The following RFC1 variants were observed in gnomAD, a reference collection of about 807,000 sequenced individuals.
RFC1 encodes the protein replication factor C subunit 1.
RFC1 carries 37 observed loss-of-function variants against 137.4 expected under a neutral mutation model. That is an observed-to-expected ratio of 0.27 (90% CI 0.21 to 0.35). The LOEUF (loss-of-function observed/expected upper bound fraction) is 0.35, where lower values mean the gene tolerates loss of function less well. Ranked by LOEUF, RFC1 falls within the 10% of genes least tolerant of loss-of-function variation. The pLI is 1.00. For missense variants in RFC1, 1,205 were observed against 1,358.5 expected, an observed-to-expected ratio of 0.89 and a Z score of 1.78; for synonymous variants, 429 against 455.7, an observed-to-expected ratio of 0.94 and a Z score of 0.75.
At chr4:39,319,066 T>C (rs1213711520) in intron 9 of RFC1, among the ~76,000 whole-genome samples, 1 of 152,180 alleles carries the variant, frequency 6.6e-6, no homozygotes, top group African/African-American at 2.4e-5. Flanking sequence ...CGCAACACTG[T>C]TGTACAAGAA....
intron 2 of RFC1, among the ~76,000 whole-genome samples, chr4:39,347,770 C>A (rs1489769605): frequency 6.6e-6 from 1 of 152,138 alleles, no homozygotes; most frequent in East Asian, 1.9e-4. Context: ...CATATATCAT[C>A]ATGAACAGAA....
At position 39,311,127 on chromosome 4, in the gene RFC1, C is replaced by T. The variant is rs114684207; in HGVS notation, c.1488+318G>A. On this transcript the variant is annotated intron_variant, in intron 12 of 24. Coordinates refer to ENST00000349703, the MANE Select transcript of RFC1 (RefSeq NM_002913.5). ...CTGCACTCCGACCTGAGGGACAGAG[C>T]TAGACTCTGTCTCAAAAAATTAAAA... 3.7e-3 allele frequency among the ~76,000 whole-genome samples: 566 copies of T among 152,184 alleles called. 4 individuals carry two copies. The highest frequency in any genetic ancestry group is 0.013 in the African/African-American group (540 of 41,522).
chr4:39,354,474 A>G (rs1741359550), intron 1 of RFC1, among the ~76,000 whole-genome samples: 1 of 152,224 alleles, frequency 6.6e-6, no homozygotes, highest in Non-Finnish European at 1.5e-5. Flanking sequence ...ATTCTTGTTG[A>G]GCATATGAGT....
At chr4:39,345,120 T>C (rs1256255157) in intron 3 of RFC1, among the ~76,000 whole-genome samples, 2 of 152,064 alleles carry the variant, frequency 1.3e-5, no homozygotes, top group Non-Finnish European at 2.9e-5. Flanking sequence ...ATTCAAGCAA[T>C]TCTCATATCT....
In RFC1 at chr4:39,300,339, C is replaced by T. The variant is rs755363991; in HGVS notation, c.2611G>A (p.Asp871Asn). 6.2e-7 allele frequency: 1 copy of T among 1,613,972 alleles called. No homozygotes were observed. The highest frequency in any genetic ancestry group is 1.7e-5 in the Admixed American group (1 of 60,008). Residue 871 changes from aspartate (D) to asparagine (N), a missense_variant, in exon 20 of 25, where the codon GAT (aspartate) becomes AAT (asparagine). Coordinates refer to ENST00000349703, the MANE Select transcript of RFC1 (RefSeq NM_002913.5). ...ATTGAATAATCATGAAAAAAGAGAT[C>T]TGACTTGTCCACAAGTGACATGTGA... Reference protein sequence around the residue: ...TAHMSLVDKSDLFFHDYSIAP... With the variant: ...TAHMSLVDKSNLFFHDYSIAP...
At chr4:39,314,999 T>C (rs545901126) in intron 10 of RFC1, among the ~76,000 whole-genome samples, 7 of 152,130 alleles carry the variant, frequency 4.6e-5, no homozygotes, top group African/African-American at 1.4e-4. Flanking sequence ...AATTCCACTT[T>C]CCATTCTAGC....
intron 7 of RFC1, 42 bp downstream of exon 7, chr4:39,323,298 G>A: frequency 6.6e-7 from 1 of 1,519,878 alleles, no homozygotes. Flanking sequence ...ACACTGATCT[G>A]TACTGTATAT....
chr4:39,329,694 T>C (rs761220256), intron 4 of RFC1, among the ~76,000 whole-genome samples: 1 of 152,092 alleles, frequency 6.6e-6, no homozygotes, highest in South Asian at 2.1e-4. Flanking sequence ...TAAGCCTCGA[T>C]TGTACCACTG....
chr4:39,309,885 T>A (rs909915604), intron 12 of RFC1, among the ~76,000 whole-genome samples: 7 of 152,230 alleles, frequency 4.6e-5, no homozygotes, highest in Admixed American at 3.9e-4. Context: ...AGTGGATGAA[T>A]GTTTAAGGAC....
chr4:39,348,063 G>A (rs918468786), intron 2 of RFC1, among the ~76,000 whole-genome samples: 7 of 151,994 alleles, frequency 4.6e-5, no homozygotes, highest in Non-Finnish European at 7.4e-5. Context: ...TGAAGAAACC[G>A]GTCAGCCAAA....
At chr4:39,325,259 G>A (rs1455406894) in intron 6 of RFC1, among the ~76,000 whole-genome samples, 1 of 152,094 alleles carries the variant, frequency 6.6e-6, no homozygotes, top group Admixed American at 6.5e-5. Context: ...TTTCCATTTG[G>A]AAGTCTATTA....
In RFC1 at chr4:39,311,473, G is replaced by A; in HGVS notation, c.1460C>T (p.Ser487Phe). The change falls in exon 12 of 25, where the codon TCC becomes TTC. Residue 487 changes from serine to phenylalanine, a missense_variant. Transcript: ENST00000349703. ...AGTTTCAACTGCTATTTCATACTTG[G>A]ATTTCTTGCCTGGCATAGTCCGAAT... The part of the protein sequence containing the change: ...NLIRTMPGKK[S>F]KYEIAVETEM... 1 of 1,613,908 alleles carries A rather than the reference G, an allele frequency of 6.2e-7. No individual in the cohort carries two copies. The highest frequency in any genetic ancestry group is 8.5e-7 in the Non-Finnish European group (1 of 1,179,914).
At chr4:39,313,468 T>C (rs1739068883) in intron 10 of RFC1, among the ~76,000 whole-genome samples, 1 of 152,204 alleles carries the variant, frequency 6.6e-6, no homozygotes, top group South Asian at 2.1e-4. Context: ...TTTCACCACA[T>C]TAGTGATCAG....
At chr4:39,308,509 C>G in intron 13 of RFC1, 127 bp downstream of exon 13, 1 of 1,319,678 alleles carries the variant, frequency 7.6e-7, no homozygotes, top group South Asian at 1.4e-5. Flanking sequence ...CACCTGGGTT[C>G]AGATCAAGCT....
chr4:39,319,280 T>C (rs780635932), intron 9 of RFC1, among the ~76,000 whole-genome samples: 15 of 152,178 alleles, frequency 9.9e-5, no homozygotes, highest in Non-Finnish European at 1.9e-4. Context: ...TCCCAGAGCC[T>C]GAAACTGGCT....
In RFC1 at chr4:39,306,682, G is replaced by A. The variant is rs757368103; in HGVS notation, c.1905C>T (p.Ser635=). The A allele has an allele frequency of 3.4e-5, 55 of 1,612,778 alleles. 1 individual carries two copies. In the Middle Eastern group the frequency reaches 6.6e-4, roughly 19 times the overall value. ...TAAAACTAGAGCCATCATCTTTGCC[G>A]GAAAATTTACCAAACTTTGCTGCTA... The part of the protein sequence containing the change: ...DKKHAKFGKF[S]GKDDGSSFKA... The change falls in exon 14 of 25, where the codon TCC becomes TCT. Residue 635 remains serine (S), a synonymous_variant. Coordinates refer to ENST00000349703, the MANE Select transcript of RFC1 (RefSeq NM_002913.5).
chr4:39,364,637 T>C (rs1741930467), intron 1 of RFC1, among the ~76,000 whole-genome samples: 1 of 152,204 alleles, frequency 6.6e-6, no homozygotes, highest in Non-Finnish European at 1.5e-5. Flanking sequence ...TATGTAACTT[T>C]CCATAGAGTC....
At chr4:39,293,288 T>C (rs1290202612) in intron 22 of RFC1, among the ~76,000 whole-genome samples, 3 of 152,162 alleles carry the variant, frequency 2.0e-5, no homozygotes, top group Non-Finnish European at 4.4e-5. Flanking sequence ...TTCTACAATG[T>C]TTTACAGTAT....
chr4:39,343,679 T>C (rs1230447801), intron 3 of RFC1, among the ~76,000 whole-genome samples: 1 of 152,222 alleles, frequency 6.6e-6, no homozygotes, highest in Non-Finnish European at 1.5e-5. Flanking sequence ...GAGGAACGCG[T>C]ACTTCTTTCA....
Sources: allele counts gnomAD v4.1 joint callset (sites outside exome capture counted in the v4.1 genomes callset), GRCh38; gene constraint gnomAD v4.1.1; transcripts MANE v1.5; gene names NCBI Gene and HGNC (gene_info 2026-07-23, HGNC 2026-07-21).